Variants in SHANK2 observed in about 807,000 individuals in gnomAD.
The protein encoded by SHANK2 is SH3 and multiple ankyrin repeat domains protein 2.
A neutral mutation model predicts 133.7 loss-of-function variants in SHANK2; 43 were observed. The ratio of observed to expected loss-of-function variants is 0.32; its 90% CI spans 0.25 to 0.41. The LOEUF is 0.41. SHANK2 is among the 10% of genes least tolerant of loss of function. The pLI is 1.00. For synonymous variants in SHANK2, 1,017 were observed against 952.8 expected (o/e 1.07, Z -1.24); for missense variants, 1,994 against 2,235.8 (o/e 0.89, Z 2.18).
At chr11:70,696,392 A>G (rs1377913393) in intron 15 of SHANK2, among the ~76,000 whole-genome samples, 4 of 152,136 alleles carry the variant, frequency 2.6e-5, no homozygotes, top group Admixed American at 6.5e-5. Flanking sequence ...ACTATGTATC[A>G]TTGTGCAGAC....
At chr11:70,873,980 C>T (rs1209054147) in intron 11 of SHANK2, among the ~76,000 whole-genome samples, 1 of 152,160 alleles carries the variant, frequency 6.6e-6, no homozygotes, top group Non-Finnish European at 1.5e-5. Flanking sequence ...GGCAGCATCC[C>T]AATGCAAAGT....
Position 70,864,067 on chromosome 11 carries a change from C to A in SHANK2, c.1174+32434G>T, listed in dbSNP as rs1031844016. On this transcript the variant is annotated intron_variant, in intron 11 of 25. Coordinates refer to ENST00000601538, the MANE Select transcript of SHANK2 (RefSeq NM_012309.5). ...CTACGACCTGGGCACCTTGCAAGCA[C>A]AAGAAAGGGACCCTCCAGTTCGGGG... The A allele has an allele frequency of 1.2e-5, 4 of 335,050 alleles. No individual in the cohort carries two copies. In the Admixed American group the frequency reaches 1.7e-4, roughly 14 times the overall value. 20.8% of individuals were successfully genotyped at this position (335,050 alleles called of 1,614,324 possible). A position where few individuals can be genotyped will look rare whatever the true frequency, so the allele number is the denominator to read the frequency against.
intron 17 of SHANK2, among the ~76,000 whole-genome samples, chr11:70,605,243 T>C (rs1367874799): frequency 6.6e-6 from 1 of 152,242 alleles, no homozygotes; most frequent in African/African-American, 2.4e-5. Context: ...CTGCTAGGCC[T>C]GGCCACTCCA....
intron 2 of SHANK2, among the ~76,000 whole-genome samples, chr11:71,184,321 G>T (rs1341998284): frequency 2.6e-5 from 4 of 152,126 alleles, no homozygotes; most frequent in African/African-American, 4.8e-5. Context: ...AACAACCATG[G>T]TCTATTCCAC....
In SHANK2 at chr11:70,720,699, T is replaced by C. The variant is rs1461107730; in HGVS notation, c.1778-21936A>G. Among the ~76,000 whole-genome samples the C allele has an allele frequency of 2.0e-5, 3 of 152,370 alleles. No individual in the cohort carries two copies. The East Asian group carries it at 5.8e-4, about 29-fold the overall frequency. Reference sequence around the variant, plus strand: ...ATGACAGGTGGGACTGATAGCTGTGTGTTCTTGCGGTATACATGTGCTGAC... The same window carrying C: ...ATGACAGGTGGGACTGATAGCTGTGCGTTCTTGCGGTATACATGTGCTGAC... On this transcript the variant is annotated intron_variant, in intron 14 of 25. Transcript: ENST00000601538.
chr11:70,727,510 G>A (rs1555030979), intron 14 of SHANK2, among the ~76,000 whole-genome samples: 2 of 152,164 alleles, frequency 1.3e-5, no homozygotes, highest in Admixed American at 6.5e-5. Context: ...TAGAGCAGGG[G>A]TATCCTAGGA....
intron 10 of SHANK2, among the ~76,000 whole-genome samples, chr11:70,900,150 T>C (rs576101371): frequency 1.3e-5 from 2 of 152,182 alleles, no homozygotes; most frequent in African/African-American, 4.8e-5. Context: ...GGTCAAGAGA[T>C]GGAGACCATC....
chr11:71,235,375 C>T (rs2135785156), intron 1 of SHANK2, among the ~76,000 whole-genome samples: 1 of 152,206 alleles, frequency 6.6e-6, no homozygotes, highest in South Asian at 2.1e-4. Flanking sequence ...AGGTGGATCA[C>T]CTGAGGTCAG....
chr11:70,943,728 C>T (rs1289516459), intron 10 of SHANK2, among the ~76,000 whole-genome samples: 1 of 152,154 alleles, frequency 6.6e-6, no homozygotes, highest in Non-Finnish European at 1.5e-5. Context: ...TTTCTCTAAA[C>T]AAATGAAATT....
chr11:70,895,674 C>T (rs1949923124), intron 11 of SHANK2: 1 of 152,542 alleles, frequency 6.6e-6, no homozygotes, highest in Non-Finnish European at 1.5e-5. Context: ...CTCATCGGGT[C>T]ACCAGCTCTT....
chr11:71,246,667 C>T (rs1235997527), intron 1 of SHANK2, among the ~76,000 whole-genome samples: 1 of 152,024 alleles, frequency 6.6e-6, no homozygotes, highest in Non-Finnish European at 1.5e-5. Context: ...GGCCTTGGAT[C>T]CCCTGCCCAC....
At chr11:71,087,816 A>G (rs1341717763) in intron 8 of SHANK2, among the ~76,000 whole-genome samples, 1 of 152,118 alleles carries the variant, frequency 6.6e-6, no homozygotes, top group African/African-American at 2.4e-5. Context: ...TTTTAGTAAG[A>G]CAGGGTTTCA....
chr11:71,058,364 T>C (rs1950946599), intron 9 of SHANK2, among the ~76,000 whole-genome samples: 2 of 152,174 alleles, frequency 1.3e-5, no homozygotes, highest in South Asian at 4.1e-4. Flanking sequence ...AATGTTGACG[T>C]AGCCAATAAA....
chr11:70,830,386 T>C lies in SHANK2; in HGVS notation c.1175-9704A>G, dbSNP rs1948708842. ...TCCCAGAAATCCACACTTGGGGTTA[T>C]TGCAGGAGACGAGCTCACCCCTGAG... On this transcript the variant is annotated intron_variant, in intron 11 of 25. Transcript: ENST00000601538. This position sits in a 1 kb window ranked among gnomAD's most constrained non-coding sequence, Gnocchi z 4.4. 6.6e-6 allele frequency among the ~76,000 whole-genome samples: 1 copy of C among 152,172 alleles called. No individual in the cohort carries two copies. The highest frequency in any genetic ancestry group is 1.5e-5 in the Non-Finnish European group (1 of 68,032).
intron 1 of SHANK2, among the ~76,000 whole-genome samples, chr11:71,226,867 T>C (rs914092966): frequency 6.6e-6 from 1 of 152,132 alleles, no homozygotes; most frequent in Non-Finnish European, 1.5e-5. Flanking sequence ...ATAATAGGCT[T>C]TCCTTCTCAA....
chr11:71,188,504 C>T lies in SHANK2; in HGVS notation c.-13+36193G>A, dbSNP rs1555114836. Among the ~76,000 whole-genome samples, 1 of 152,194 alleles carries T rather than the reference C, an allele frequency of 6.6e-6. No individual in the cohort carries two copies. The highest frequency in any genetic ancestry group is 1.5e-5 in the Non-Finnish European group (1 of 68,038). ...AACAGGAAAACACTGCAAATATTTA[C>T]AGTGGACGTACGAAAAGGCACAGGA... On this transcript the variant is annotated intron_variant, in intron 2 of 25. Coordinates refer to ENST00000601538, the MANE Select transcript of SHANK2 (RefSeq NM_012309.5). The surrounding 1 kb of genome is among the most constrained non-coding windows in gnomAD (Gnocchi z 4.6).
chr11:70,528,653 G>C (rs1433151108), intron 17 of SHANK2, among the ~76,000 whole-genome samples: 2 of 152,100 alleles, frequency 1.3e-5, no homozygotes, highest in South Asian at 2.1e-4. Context: ...GGGCAGAAGG[G>C]GGTCTCTCCT....
At chr11:70,550,072 G>C (rs1373523158) in intron 17 of SHANK2, among the ~76,000 whole-genome samples, 2 of 152,098 alleles carry the variant, frequency 1.3e-5, no homozygotes, top group East Asian at 3.9e-4. Flanking sequence ...AGGAAGCCAA[G>C]AGCAGCTCAG....
intron 1 of SHANK2, among the ~76,000 whole-genome samples, chr11:71,236,794 T>C (rs1555123779): frequency 6.6e-6 from 1 of 152,232 alleles, no homozygotes; most frequent in African/African-American, 2.4e-5. Flanking sequence ...CCAGCCTGGT[T>C]GATAGAGCGA....
Sources: gnomAD v4.1 joint callset for allele counts (sites outside exome capture counted in the v4.1 genomes callset) on GRCh38, gnomAD v4.1.1 for gene constraint, Gnocchi (gnomAD v3.1) non-coding constraint, MANE v1.5 for transcripts, NCBI Gene and HGNC (gene_info 2026-07-23, HGNC 2026-07-21) for gene names.